The following HSPG2 variants were observed in gnomAD, a reference collection of about 807,000 sequenced individuals.
HSPG2 encodes the protein heparan sulfate proteoglycan 2.
In HSPG2, 278 loss-of-function variants were observed where a neutral mutation model predicts 526.6. The observed-to-expected ratio is 0.53, with a 90% confidence interval of 0.48 to 0.58. The LOEUF (loss-of-function observed/expected upper bound fraction) is 0.58. Ranked by LOEUF, HSPG2 falls within the 20% of genes least tolerant of loss-of-function variation. HSPG2 has a pLI of 0.00. For missense variants in HSPG2, 5,354 were observed against 6,099.5 expected (o/e 0.88, Z 4.07); for synonymous variants, 2,465 against 2,555.4 (o/e 0.96, Z 1.07).
chr1:21,836,270 G>A (rs546436228), intron 75 of HSPG2, among the ~76,000 whole-genome samples: 2 of 152,310 alleles, frequency 1.3e-5, no homozygotes, highest in Non-Finnish European at 2.9e-5. Flanking sequence ...ACTGTTTACT[G>A]AAGGCCTTCC....
chr1:21,871,286 G>A (rs1362439180), intron 33 of HSPG2, among the ~76,000 whole-genome samples: 2 of 147,144 alleles, frequency 1.4e-5, no homozygotes, highest in African/African-American at 2.5e-5. Context: ...TTGAGACAGG[G>A]TCTTACTCTG....
intron 13 of HSPG2, among the ~76,000 whole-genome samples, chr1:21,883,985 C>G (rs1641688817): frequency 6.6e-6 from 1 of 152,246 alleles, no homozygotes; most frequent in South Asian, 2.1e-4. Flanking sequence ...AGGCCACCCT[C>G]AGGCCAAGGA....
At chr1:21,877,759 A>C (rs1448613195) in intron 21 of HSPG2, among the ~76,000 whole-genome samples, 1 of 152,012 alleles carries the variant, frequency 6.6e-6, no homozygotes, top group Non-Finnish European at 1.5e-5. Flanking sequence ...CAGCCTCCCA[A>C]AGTGCTGGGA....
chr1:21,846,692 C>T lies in HSPG2; in HGVS notation c.8165-93G>A, dbSNP rs77375768. 11,380 of 1,385,854 alleles carry T rather than the reference C, an allele frequency of 8.2e-3. 163 individuals are homozygous for T. Among genetic ancestry groups the T allele is most frequent in the Admixed American group, 0.059 (3,457 of 58,462 alleles). The allele number at this position is 1,385,854 out of a possible 1,614,324, so 85.8% of individuals were successfully genotyped here. A position where few individuals can be genotyped will look rare whatever the true frequency, so the allele number is the denominator to read the frequency against. On this transcript the variant is annotated intron_variant, in intron 62 of 96. Transcript: ENST00000374695. The stretch of plus-strand genomic sequence containing the variant: ...CTCTGCCATAGAAAATCTCACCCCC[C>T]AGAGTAACACTAATAGTTAACACTT...
At position 21,859,042 on chromosome 1, in the gene HSPG2, G is replaced by A. The variant is rs1214204696; in HGVS notation, c.5293+524C>T. On this transcript the variant is annotated intron_variant, in intron 42 of 96. Transcript: ENST00000374695. This position sits in a 1 kb window ranked among gnomAD's most constrained non-coding sequence, Gnocchi z 5.3. ...GACGACAGGGCAGGGTGACTCTGAG[G>A]TGCATTATTATTATTATTTTTTTAA... 6.6e-6 allele frequency among the ~76,000 whole-genome samples: 1 copy of A among 152,034 alleles called. No individual in the cohort carries two copies. The highest frequency in any genetic ancestry group is 1.5e-5 in the Non-Finnish European group (1 of 68,010).
intron 1 of HSPG2, among the ~76,000 whole-genome samples, chr1:21,915,959 G>A: frequency 6.6e-6 from 1 of 151,732 alleles, no homozygotes; most frequent in East Asian, 1.9e-4. Context: ...GCTGAGGAAG[G>A]AGAATTGCTT....
In HSPG2 at chr1:21,833,547, G is replaced by A; in HGVS notation, c.10898C>T (p.Pro3633Leu). 6.2e-7 allele frequency: 1 copy of A among 1,614,192 alleles called. No individual in the cohort carries two copies. Among genetic ancestry groups the A allele is most frequent in the Non-Finnish European group, 8.5e-7 (1 of 1,180,032 alleles). The change falls in exon 79 of 97, where the codon CCC (proline) becomes CTC (leucine). Residue 3633 changes from proline to leucine, a missense_variant. Pro to Leu is a moderately conservative substitution (Grantham distance 98). Coordinates refer to ENST00000374695, the MANE Select transcript of HSPG2 (RefSeq NM_005529.7). ...NNMLMLPSVRPQDAGTYVCTA... is the reference protein window; with the variant it reads ...NNMLMLPSVRLQDAGTYVCTA... The stretch of plus-strand genomic sequence containing the variant: ...GCAGACGTAGGTACCTGCGTCCTGG[G>A]GTCGGACTGAGGGCAGCATCAGCAT...
At chr1:21,869,259 A>C (rs1263732767) in intron 33 of HSPG2, among the ~76,000 whole-genome samples, 1 of 152,222 alleles carries the variant, frequency 6.6e-6, no homozygotes, top group East Asian at 1.9e-4. Flanking sequence ...ACAGCACATC[A>C]GTAAACAATT....
intron 50 of HSPG2, chr1:21,853,816 G>T: frequency 4.3e-6 from 1 of 233,250 alleles, no homozygotes. Flanking sequence ...ACCACACCAT[G>T]ACCAAGCAGG....
At chr1:21,905,417 G>T (rs573863033) in intron 1 of HSPG2, among the ~76,000 whole-genome samples, 1 of 152,238 alleles carries the variant, frequency 6.6e-6, no homozygotes, top group African/African-American at 2.4e-5. Flanking sequence ...TCCATCACTC[G>T]CTCCACTTCT....
At position 21,838,850 on chromosome 1, in the gene HSPG2, C is replaced by T. The variant is rs1304012711; in HGVS notation, c.10125G>A (p.Glu3375=). Residue 3375 remains glutamate, a synonymous_variant, in exon 74 of 97, where the codon GAG becomes GAA. Transcript: ENST00000374695. ...CRVTNKVGSA[E]AFAQLLVQGP... is the part of the protein sequence containing the mutation. ...CTTGGACGAGCAGCTGGGCAAAGGC[C>T]TCGGCTGAGCCCACCTTGTTGGTGA... 4 of 1,612,312 alleles carry T rather than the reference C, an allele frequency of 2.5e-6. No homozygotes were observed. Among genetic ancestry groups the T allele is most frequent in the Non-Finnish European group, 2.5e-6 (3 of 1,179,698 alleles).
intron 1 of HSPG2, among the ~76,000 whole-genome samples, chr1:21,915,169 CCT>C (rs1217422775): frequency 4.0e-4 from 60 of 150,536 alleles, no homozygotes; most frequent in African/African-American, 1.4e-3. Context: ...CACTTGGCGC[CCT>C]GATACGGGCG....
At chr1:21,931,175 T>G (rs1415960367) in intron 1 of HSPG2, among the ~76,000 whole-genome samples, 2 of 152,200 alleles carry the variant, frequency 1.3e-5, no homozygotes, top group African/African-American at 4.8e-5. Context: ...AGGGCTTTCA[T>G]GACAGCACCC....
chr1:21,935,002 G>A (rs1337954163), intron 1 of HSPG2, among the ~76,000 whole-genome samples: 1 of 151,994 alleles, frequency 6.6e-6, no homozygotes, highest in East Asian at 1.9e-4. Flanking sequence ...CGCCTCCTGG[G>A]TTCAAGCGAT....
At chr1:21,836,750 T>G in intron 75 of HSPG2, 52 bp downstream of exon 75, 99 of 1,477,204 alleles carry the variant, frequency 6.7e-5, no homozygotes, top group Non-Finnish European at 8.3e-5. Flanking sequence ...CTGCTCACTG[T>G]GAGCCCTGGG....
At chr1:21,931,616 G>C (rs1484474965) in intron 1 of HSPG2, among the ~76,000 whole-genome samples, 1 of 152,160 alleles carries the variant, frequency 6.6e-6, no homozygotes, top group Non-Finnish European at 1.5e-5. Context: ...GAAGGGGAGG[G>C]GGGCAACAGG....
chr1:21,912,209 C>T (rs1393792449), intron 1 of HSPG2, among the ~76,000 whole-genome samples: 11 of 152,220 alleles, frequency 7.2e-5, no homozygotes, highest in Admixed American at 7.2e-4. Flanking sequence ...GGGCAAATCA[C>T]TTGACCTCTC....
At chr1:21,911,410 C>T (rs1325174704) in intron 1 of HSPG2, among the ~76,000 whole-genome samples, 1 of 151,694 alleles carries the variant, frequency 6.6e-6, no homozygotes, top group African/African-American at 2.4e-5. Flanking sequence ...GTCACCCTTC[C>T]CTGCTGACAG....
At chr1:21,925,504 G>A (rs1449587723) in intron 1 of HSPG2, among the ~76,000 whole-genome samples, 4 of 152,234 alleles carry the variant, frequency 2.6e-5, no homozygotes, top group African/African-American at 9.6e-5. Context: ...CCCACAGGGA[G>A]CTTGGGACCT....
Sources: allele counts gnomAD v4.1 joint callset (sites outside exome capture counted in the v4.1 genomes callset), GRCh38; gene constraint gnomAD v4.1.1; non-coding constraint Gnocchi (gnomAD v3.1); transcripts MANE v1.5; gene names NCBI Gene and HGNC (gene_info 2026-07-23, HGNC 2026-07-21).